Variants in MBOAT2 observed in about 807,000 individuals in gnomAD.
The protein encoded by MBOAT2 is membrane bound glycerophospholipid O-acyltransferase 2.
MBOAT2 carries 28 observed loss-of-function variants against 63.4 expected under a neutral mutation model. The observed-to-expected ratio is 0.44, with a 90% confidence interval of 0.33 to 0.61. MBOAT2 has a LOEUF of 0.61. MBOAT2 is among the 20% of genes least tolerant of loss of function. The pLI is 0.03. For synonymous variants in MBOAT2, 211 were observed against 215.6 expected (o/e 0.98, Z 0.19); for missense variants, 470 against 605.8 (o/e 0.78, Z 2.35).
chr2:8,967,929 C>T (rs1481063518), intron 1 of MBOAT2, among the ~76,000 whole-genome samples: 3 of 152,120 alleles, frequency 2.0e-5, no homozygotes, highest in Non-Finnish European at 2.9e-5. Context: ...GTAGGCAGTT[C>T]CAAGATGGCC....
intron 4 of MBOAT2, among the ~76,000 whole-genome samples, chr2:8,907,708 T>C (rs569691818): frequency 7.2e-4 from 109 of 152,242 alleles, no homozygotes; most frequent in Non-Finnish European, 1.5e-3. Context: ...TTTTATTTGT[T>C]TTTGATGTAA....
At chr2:8,997,413 GA>G (rs1672385444) in intron 1 of MBOAT2, among the ~76,000 whole-genome samples, 1 of 152,162 alleles carries the variant, frequency 6.6e-6, no homozygotes, top group African/African-American at 2.4e-5. Flanking sequence ...AAGCAGTGAG[GA>G]AGCAGAAAAA....
rs187533756 is a variant in MBOAT2, at chr2:8,882,675, C to T, written c.452-110G>A. The T allele has an allele frequency of 1.4e-3, 1,275 of 941,752 alleles. 1 individual carries two copies. Among genetic ancestry groups the T allele is most frequent in the Non-Finnish European group, 1.7e-3 (1,011 of 590,616 alleles). 58.3% of individuals were successfully genotyped at this position (941,752 alleles called of 1,614,324 possible). ...CATTTGAAATTCATGCTATTATATTCCTAATTTTGATATAATGACTGTTCC... is the reference window on the plus strand; with the variant it reads ...CATTTGAAATTCATGCTATTATATTTCTAATTTTGATATAATGACTGTTCC... On this transcript the variant is annotated intron_variant, in intron 5 of 12. Coordinates refer to ENST00000305997, the MANE Select transcript of MBOAT2 (RefSeq NM_138799.4).
intron 1 of MBOAT2, among the ~76,000 whole-genome samples, chr2:8,963,257 G>C (rs1483391084): frequency 1.3e-5 from 2 of 151,392 alleles, no homozygotes; most frequent in East Asian, 3.9e-4. Flanking sequence ...AAATTGAGGC[G>C]GGGGGGCAGG....
chr2:8,932,756 A>G (rs1400353131), intron 3 of MBOAT2, among the ~76,000 whole-genome samples: 3 of 143,844 alleles, frequency 2.1e-5, no homozygotes, highest in Non-Finnish European at 4.6e-5. Context: ...TATTTAGGAG[A>G]AAAAAAAAAA....
intron 4 of MBOAT2, among the ~76,000 whole-genome samples, chr2:8,900,428 A>G (rs543398403): frequency 3.9e-5 from 6 of 152,276 alleles, no homozygotes; most frequent in African/African-American, 1.4e-4. Context: ...TAGGACATCT[A>G]TGTACCTATC....
intron 2 of MBOAT2, among the ~76,000 whole-genome samples, chr2:8,951,094 T>C (rs1023592079): frequency 6.6e-6 from 1 of 152,170 alleles, no homozygotes; most frequent in Non-Finnish European, 1.5e-5. Flanking sequence ...TCTTTCTTTG[T>C]TGTGTCTGCC....
At chr2:8,973,876 C>T (rs1670634698) in intron 1 of MBOAT2, among the ~76,000 whole-genome samples, 1 of 152,094 alleles carries the variant, frequency 6.6e-6, no homozygotes, top group Non-Finnish European at 1.5e-5. Flanking sequence ...TTAATATATA[C>T]TGACATAACG....
At position 8,868,494 on chromosome 2, in the gene MBOAT2, T is replaced by A; in HGVS notation, c.939A>T (p.Gly313=). Residue 313 remains glycine (G), a synonymous_variant, in exon 9 of 13, where the codon GGA becomes GGT. Transcript: ENST00000305997. The part of the protein sequence containing the change: ...GFGFRGYDEN[G]AARWDLISNL... ...TGGAAATTAAGTCCCAGCGAGCTGCTCCATTTTCGTCATACCCTCTGAAAC... is the reference window on the plus strand; with the variant it reads ...TGGAAATTAAGTCCCAGCGAGCTGCACCATTTTCGTCATACCCTCTGAAAC... 6.2e-7 allele frequency: 1 copy of A among 1,614,116 alleles called. No individual in the cohort carries two copies. The highest frequency in any genetic ancestry group is 8.5e-7 in the Non-Finnish European group (1 of 1,179,986).
At chr2:8,917,704 C>T (rs1423232592) in intron 3 of MBOAT2, among the ~76,000 whole-genome samples, 1 of 152,040 alleles carries the variant, frequency 6.6e-6, no homozygotes, top group Non-Finnish European at 1.5e-5. Context: ...TATTTTTATT[C>T]GATGCTCCAG....
rs184069582 is a variant in MBOAT2, at chr2:8,858,711, T to C, written c.1531A>G (p.Ile511Val). 286 of 1,613,658 alleles carry C rather than the reference T, an allele frequency of 1.8e-4. 2 individuals are homozygous for C. The East Asian group carries it at 5.9e-3, about 33-fold the overall frequency. Residue 511 changes from isoleucine to valine, a missense_variant, in exon 13 of 13, where the codon ATA becomes GTA. Coordinates refer to ENST00000305997, the MANE Select transcript of MBOAT2 (RefSeq NM_138799.4). ...TNNVCNQNQEIASRHSSLKQ is the reference protein window; with the variant it reads ...TNNVCNQNQEVASRHSSLKQ ...TTTAGTGATGAATGTCTCGAGGCTA[T>C]TTCTTGATTCTGATTGCAAACATTG...
intron 1 of MBOAT2, among the ~76,000 whole-genome samples, chr2:8,969,846 A>C (rs1573204667): frequency 6.6e-6 from 1 of 152,236 alleles, no homozygotes; most frequent in East Asian, 1.9e-4. Flanking sequence ...TGCACCCAAT[A>C]CAGGAGCACC....
chr2:8,874,894 T>A (rs1003092753), intron 7 of MBOAT2, among the ~76,000 whole-genome samples: 1 of 152,214 alleles, frequency 6.6e-6, no homozygotes, highest in Non-Finnish European at 1.5e-5. Flanking sequence ...TTCTGGCCAA[T>A]AGGATATGAG....
At chr2:8,875,092 TAGAGG>T (rs1662612128) in intron 7 of MBOAT2, among the ~76,000 whole-genome samples, 1 of 152,158 alleles carries the variant, frequency 6.6e-6, no homozygotes, top group Admixed American at 6.5e-5. Context: ...CTGATGCAGA[TAGAGG>T]AGAGAACAGT....
chr2:8,927,105 A>G (rs1666987042), intron 3 of MBOAT2, among the ~76,000 whole-genome samples: 1 of 152,154 alleles, frequency 6.6e-6, no homozygotes, highest in African/African-American at 2.4e-5. Context: ...TGAGGCCAAG[A>G]TGAGTGTGGT....
At chr2:8,987,851 T>C (rs1192007085) in intron 1 of MBOAT2, among the ~76,000 whole-genome samples, 3 of 152,352 alleles carry the variant, frequency 2.0e-5, no homozygotes, top group South Asian at 4.1e-4. Flanking sequence ...ACAAAAGTTG[T>C]CTCTGGACTG....
chr2:8,876,119 C>T (rs1029651387), intron 7 of MBOAT2, among the ~76,000 whole-genome samples: 1 of 152,194 alleles, frequency 6.6e-6, no homozygotes, highest in African/African-American at 2.4e-5. Context: ...ATAGATTTTA[C>T]CAGATGAAAT....
At chr2:8,944,932 C>T (rs1011802435) in intron 2 of MBOAT2, among the ~76,000 whole-genome samples, 2 of 152,132 alleles carry the variant, frequency 1.3e-5, no homozygotes, top group Non-Finnish European at 2.9e-5. Context: ...GAGGAGAACT[C>T]AATACAGGTA....
intron 3 of MBOAT2, among the ~76,000 whole-genome samples, chr2:8,938,128 G>A (rs567753212): frequency 3.3e-5 from 5 of 152,276 alleles, no homozygotes; most frequent in South Asian, 2.1e-4. Flanking sequence ...CAAGGCACAC[G>A]TGTGTCTATT....
Sources: gnomAD v4.1 joint callset for allele counts (sites outside exome capture counted in the v4.1 genomes callset) on GRCh38, gnomAD v4.1.1 for gene constraint, MANE v1.5 for transcripts, NCBI Gene and HGNC (gene_info 2026-07-23, HGNC 2026-07-21) for gene names.